The following PIK3C2A variants were observed in gnomAD, a reference collection of about 807,000 sequenced individuals.
PIK3C2A encodes the protein phosphatidylinositol 4-phosphate 3-kinase C2 domain-containing subunit alpha.
Under a neutral mutation model 204.5 loss-of-function variants are expected in PIK3C2A, and 97 were observed. The ratio of observed to expected loss-of-function variants is 0.47; its 90% CI spans 0.40 to 0.56. The LOEUF (loss-of-function observed/expected upper bound fraction) is 0.56, where lower values mean the gene tolerates loss of function less well. Ranked by LOEUF, PIK3C2A falls within the 20% of genes least tolerant of loss-of-function variation. PIK3C2A has a pLI of 0.00. For missense variants in PIK3C2A, 1,735 were observed against 1,969.2 expected (o/e 0.88, Z 2.25); for synonymous variants, 653 against 664.4 (o/e 0.98, Z 0.26).
chr11:17,158,203 C>T (rs1259780789), intron 2 of PIK3C2A, among the ~76,000 whole-genome samples: 2 of 151,834 alleles, frequency 1.3e-5, no homozygotes, highest in Admixed American at 6.6e-5. Context: ...ACAAAATTAG[C>T]CGGGCGTGGT....
At chr11:17,131,507 T>C (rs1257365714) in intron 12 of PIK3C2A, among the ~76,000 whole-genome samples, 5 of 150,436 alleles carry the variant, frequency 3.3e-5, no homozygotes, top group South Asian at 2.1e-4. Flanking sequence ...CTGAAAGCTC[T>C]GCCTCCCGGA....
rs2137248893 is a variant in PIK3C2A, at chr11:17,086,628, C to T, written c.*3110G>A. On this transcript the variant is annotated 3_prime_UTR_variant, in exon 33 of 33. Coordinates refer to ENST00000691414, the MANE Select transcript of PIK3C2A (RefSeq NM_002645.4). ...CGTAGTACAGTTATGAAGTCACATTCAATCCACTGAATATATTCAAGGTAT... is the reference window on the plus strand; with the variant it reads ...CGTAGTACAGTTATGAAGTCACATTTAATCCACTGAATATATTCAAGGTAT... 6.6e-6 allele frequency: 1 copy of T among 152,246 alleles called. No individual in the cohort carries two copies. Among genetic ancestry groups the T allele is most frequent in the African/African-American group, 2.4e-5 (1 of 41,550 alleles). 9.4% of individuals were successfully genotyped at this position (152,246 alleles called of 1,614,324 possible).
chr11:17,200,649 G>A (rs768272012), intron 1 of PIK3C2A, among the ~76,000 whole-genome samples: 2 of 152,286 alleles, frequency 1.3e-5, no homozygotes, highest in Admixed American at 1.3e-4. Context: ...TTTTTGGAGT[G>A]ATGGAAATAT....
intron 27 of PIK3C2A, among the ~76,000 whole-genome samples, chr11:17,095,448 G>A (rs369013370): frequency 1.1e-4 from 17 of 150,398 alleles, no homozygotes; most frequent in Non-Finnish European, 7.4e-5. Flanking sequence ...AAAATGAGCC[G>A]GGCGTGGTGG....
At position 17,174,511 on chromosome 11, in the gene PIK3C2A, G is replaced by A. The variant is rs1362796575; in HGVS notation, c.-65-4705C>T. Among the ~76,000 whole-genome samples, 2 of 56,502 alleles carry A rather than the reference G, an allele frequency of 3.5e-5. 1 individual carries two copies. Among genetic ancestry groups the A allele is most frequent in the Admixed American group, 4.2e-4 (2 of 4,746 alleles). 37.1% of individuals were successfully genotyped at this position (56,502 alleles called of 152,430 possible). ...TGGGAGGCTGAGGCAGGAGAATGGC[G>A]TGAACCCGGGAGGCGGAGCTTGCAG... On this transcript the variant is annotated intron_variant, in intron 1 of 32. Coordinates refer to ENST00000691414, the MANE Select transcript of PIK3C2A (RefSeq NM_002645.4).
chr11:17,181,659 T>TACACACACAC lies in PIK3C2A; in HGVS notation c.-65-11863_-65-11854dup, dbSNP rs71047535. Among the ~76,000 whole-genome samples the TACACACACAC allele has an allele frequency of 3.8e-3, 424 of 112,974 alleles. 12 individuals are homozygous for TACACACACAC. The highest frequency in any genetic ancestry group is 0.016 in the African/African-American group (356 of 22,528). 74.1% of individuals were successfully genotyped at this position (112,974 alleles called of 152,430 possible). On this transcript the variant is annotated intron_variant, in intron 1 of 32. Coordinates refer to ENST00000691414, the MANE Select transcript of PIK3C2A (RefSeq NM_002645.4). ...ATATATATATATATATATATATATA[T>TACACACACAC]ACACACACACACACACACACACACA...
intron 12 of PIK3C2A, among the ~76,000 whole-genome samples, chr11:17,130,363 G>A (rs1849654538): frequency 6.6e-6 from 1 of 152,070 alleles, no homozygotes; most frequent in South Asian, 2.1e-4. Flanking sequence ...GCATTTTTGT[G>A]TTACTTGATT....
rs33912263 is a variant in PIK3C2A, at chr11:17,137,423, C to CTTTTTTTTTTTTTTTTTTTTTT, written c.1705-799_1705-798insAAAAAAAAAAAAAAAAAAAAAA. 2.4e-5 allele frequency among the ~76,000 whole-genome samples: 3 copies of CTTTTTTTTTTTTTTTTTTTTTT among 125,048 alleles called. 1 individual carries two copies. Among genetic ancestry groups the CTTTTTTTTTTTTTTTTTTTTTT allele is most frequent in the Non-Finnish European group, 1.6e-5 (1 of 61,676 alleles). 82.0% of individuals were successfully genotyped at this position (125,048 alleles called of 152,430 possible). On this transcript the variant is annotated intron_variant, in intron 8 of 32. Coordinates refer to ENST00000691414, the MANE Select transcript of PIK3C2A (RefSeq NM_002645.4). The stretch of plus-strand genomic sequence containing the variant: ...CCTATATTACTTCATATTACTTTGC[C>CTTTTTTTTTTTTTTTTTTTTTT]TTTTTTTTTGAGACGGACTCTCATT...
At chr11:17,160,569 T>C (rs1356427682) in intron 2 of PIK3C2A, among the ~76,000 whole-genome samples, 1 of 152,128 alleles carries the variant, frequency 6.6e-6, no homozygotes, top group East Asian at 1.9e-4. Context: ...GTAGCTCATA[T>C]CTGTAATCCT....
chr11:17,114,358 C>T lies in PIK3C2A; in HGVS notation c.3321+3G>A, dbSNP rs1179091204. On this transcript the variant is annotated splice_donor_region_variant and intron_variant, in intron 20 of 32. Coordinates refer to ENST00000691414, the MANE Select transcript of PIK3C2A (RefSeq NM_002645.4). ...ATGAACTTATAAGTATTTTATGTGT[C>T]ACCTTAATATTTAATTCTTTTGCCA... The T allele has an allele frequency of 1.5e-6, 2 of 1,374,668 alleles. No homozygotes were observed. The highest frequency in any genetic ancestry group is 2.1e-6 in the Non-Finnish European group (2 of 963,122). The allele number at this position is 1,374,668 out of a possible 1,614,324, so 85.2% of individuals were successfully genotyped here.
intron 15 of PIK3C2A, 122 bp from the exon 16 acceptor site, chr11:17,120,096 A>G (rs1849325090): frequency 3.9e-6 from 2 of 516,062 alleles, no homozygotes; most frequent in Non-Finnish European, 6.6e-6. Context: ...AAAATCATTA[A>G]TACTAATTTG....
chr11:17,191,970 TAA>T (rs1194219889), intron 1 of PIK3C2A, among the ~76,000 whole-genome samples: 49 of 117,676 alleles, frequency 4.2e-4, no homozygotes, highest in Non-Finnish European at 3.3e-4. Flanking sequence ...CTGCTTCTAC[TAA>T]AAAAAAAAAA....
intron 12 of PIK3C2A, among the ~76,000 whole-genome samples, chr11:17,130,912 C>T (rs536198913): frequency 9.2e-5 from 14 of 151,542 alleles, no homozygotes; most frequent in African/African-American, 3.1e-4. Flanking sequence ...TTCGGCTAGA[C>T]GCGGTGGCTC....
At chr11:17,200,573 G>A (rs1462379847) in intron 1 of PIK3C2A, among the ~76,000 whole-genome samples, 1 of 152,108 alleles carries the variant, frequency 6.6e-6, no homozygotes, top group Non-Finnish European at 1.5e-5. Flanking sequence ...AAAAACAAAT[G>A]AGCTGTTGCC....
At chr11:17,145,603 C>T in intron 8 of PIK3C2A, 65 bp downstream of exon 8, 10 of 898,240 alleles carry the variant, frequency 1.1e-5, no homozygotes, top group South Asian at 2.9e-5. Flanking sequence ...CCAACACTAC[C>T]ATTTAAGAGA....
At chr11:17,135,709 G>A (rs188739551) in intron 9 of PIK3C2A, among the ~76,000 whole-genome samples, 2,035 of 144,592 alleles carry the variant, frequency 0.014, 30 homozygotes, top group Non-Finnish European at 0.02. Flanking sequence ...GTGTGTGTGT[G>A]TGTGTGTGTA....
At chr11:17,129,040 T>C (rs150750966) in intron 13 of PIK3C2A, among the ~76,000 whole-genome samples, 13 of 152,378 alleles carry the variant, frequency 8.5e-5, no homozygotes, top group South Asian at 2.1e-4. Context: ...ACGACAGTCA[T>C]TGGCTGCTGC....
At chr11:17,181,593 C>A (rs1591005504) in intron 1 of PIK3C2A, among the ~76,000 whole-genome samples, 1 of 132,278 alleles carries the variant, frequency 7.6e-6, no homozygotes, top group African/African-American at 3.0e-5. Context: ...ATGGTGAGAT[C>A]CCATTTTTAA....
intron 11 of PIK3C2A, among the ~76,000 whole-genome samples, chr11:17,133,290 G>T (rs1174222509): frequency 6.6e-6 from 1 of 151,746 alleles, no homozygotes; most frequent in African/African-American, 2.4e-5. Flanking sequence ...TGTGCCTATG[G>T]AGAATGTGAA....
Sources: allele counts gnomAD v4.1 joint callset (sites outside exome capture counted in the v4.1 genomes callset), GRCh38; gene constraint gnomAD v4.1.1; transcripts MANE v1.5; gene names NCBI Gene and HGNC (gene_info 2026-07-23, HGNC 2026-07-21).